MYO18B: variants seen among roughly 807,000 people sequenced by gnomAD.
MYO18B encodes myosin XVIIIB, also known as unconventional myosin-XVIIIb.
Under a neutral mutation model 273.0 loss-of-function variants are expected in MYO18B, and 204 were observed. That is an observed-to-expected ratio of 0.75 (90% CI 0.67 to 0.84). The LOEUF is 0.84. Ranked by LOEUF, MYO18B falls within the 40% of genes least tolerant of loss-of-function variation. The pLI, the probability that MYO18B is intolerant of heterozygous loss-of-function variation, is 0.00. For missense variants in MYO18B, 3,212 were observed against 3,287.6 expected (o/e 0.98, Z 0.56); for synonymous variants, 1,330 against 1,305.7 (o/e 1.02, Z -0.40).
At chr22:25,777,337 C>A (rs910910506) in intron 7 of MYO18B, among the ~76,000 whole-genome samples, 2 of 152,188 alleles carry the variant, frequency 1.3e-5, no homozygotes, top group Non-Finnish European at 2.9e-5. Flanking sequence ...AAGCCTCTAA[C>A]TAAAGAGGAG....
intron 39 of MYO18B, among the ~76,000 whole-genome samples, chr22:25,974,581 C>T (rs2093068966): frequency 6.6e-6 from 1 of 152,210 alleles, no homozygotes; most frequent in Admixed American, 6.5e-5. Context: ...GTCTCAACCT[C>T]CGAAGTCTGT....
chr22:25,958,104 G>A (rs1426472930), intron 39 of MYO18B, among the ~76,000 whole-genome samples: 3 of 151,826 alleles, frequency 2.0e-5, no homozygotes, highest in African/African-American at 7.3e-5. Context: ...TAGTAGAGGC[G>A]GGGTTTCACC....
intron 3 of MYO18B, 27 bp downstream of exon 3, chr22:25,763,416 G>T (rs916317842): frequency 1.3e-6 from 2 of 1,593,862 alleles, no homozygotes; most frequent in Admixed American, 3.8e-5. Flanking sequence ...AAGGAGGACC[G>T]TATGCGTTTC....
the MYO18B span, among the ~76,000 whole-genome samples, chr22:26,055,847 G>A: frequency 6.6e-4 from 100 of 152,302 alleles, no homozygotes; most frequent in African/African-American, 2.3e-3. Context: ...GGCACCTAAT[G>A]AGGCAAGGAC....
intron 23 of MYO18B, 31 bp from the exon 24 acceptor site, chr22:25,876,158 A>T: frequency 6.3e-7 from 1 of 1,596,152 alleles, no homozygotes; most frequent in South Asian, 1.1e-5. Flanking sequence ...GTTGGAAAGG[A>T]CCCTCCAGTC....
At chr22:25,832,709 G>C (rs949952980) in intron 15 of MYO18B, among the ~76,000 whole-genome samples, 6 of 152,166 alleles carry the variant, frequency 3.9e-5, no homozygotes, top group African/African-American at 1.4e-4. Flanking sequence ...ACAACAACAT[G>C]AATGTACCTT....
At chr22:25,755,491 C>A (rs1300332924) in intron 1 of MYO18B, among the ~76,000 whole-genome samples, 1 of 152,174 alleles carries the variant, frequency 6.6e-6, no homozygotes, top group East Asian at 1.9e-4. Flanking sequence ...CAGGCGTGAG[C>A]CACCGCGCCC....
chr22:25,755,765 C>T (rs576561676), intron 1 of MYO18B, among the ~76,000 whole-genome samples: 1 of 152,166 alleles, frequency 6.6e-6, no homozygotes, highest in Non-Finnish European at 1.5e-5. Flanking sequence ...GTCTCTCGCT[C>T]CCTCTCTCAT....
chr22:26,027,689 A>T lies in MYO18B; in HGVS notation c.*11A>T, dbSNP rs367926271. The T allele has an allele frequency of 2.5e-6, 4 of 1,598,262 alleles. No individual in the cohort carries two copies. The highest frequency in any genetic ancestry group is 3.4e-6 in the Non-Finnish European group (4 of 1,171,878). On this transcript the variant is annotated splice_region_variant and 3_prime_UTR_variant, in exon 43 of 44. Coordinates refer to ENST00000335473, the MANE Select transcript of MYO18B (RefSeq NM_032608.7). The surrounding 1 kb of genome is among the most constrained non-coding windows in gnomAD (Gnocchi z 4.1). ...TACCTCCAGAAGTAGGAACCAGTTC[A>T]GGTAAAAGCAACAGGCTGGGGCTAT...
chr22:25,955,631 A>T (rs1032288717), intron 39 of MYO18B, among the ~76,000 whole-genome samples: 4 of 152,168 alleles, frequency 2.6e-5, no homozygotes, highest in African/African-American at 9.7e-5. Context: ...CAGATCCCAG[A>T]CTTTCTTTTC....
chr22:26,048,368 A>G, the MYO18B span, among the ~76,000 whole-genome samples: 1 of 152,202 alleles, frequency 6.6e-6, no homozygotes, highest in Non-Finnish European at 1.5e-5. Context: ...TCCAAGTCCC[A>G]AGATCAAGCT....
intron 1 of MYO18B, among the ~76,000 whole-genome samples, chr22:25,759,517 C>T (rs59102982): frequency 0.21 from 31,496 of 149,972 alleles, 3,356 homozygotes; most frequent in African/African-American, 0.24. Context: ...TGGGGCCTGT[C>T]GAGGGGTGGG....
At chr22:25,951,987 G>A (rs2092797565) in intron 37 of MYO18B, among the ~76,000 whole-genome samples, 1 of 152,202 alleles carries the variant, frequency 6.6e-6, no homozygotes, top group African/African-American at 2.4e-5. Flanking sequence ...GATCAGAGCA[G>A]GGAAGGAGAG....
Position 25,903,748 on chromosome 22 carries a change from A to T in MYO18B, c.5065A>T (p.Arg1689Trp). The part of the protein sequence containing the change: ...GENCVAGLKE[R>W]LWKLESSALE... ...AAATTGCGTTGCTGGCTTGAAGGAG[A>T]GGCTCTGGAAGTTGGAATCCAGCGC... The change falls in exon 31 of 44, where the codon AGG (arginine) becomes TGG (tryptophan). Residue 1689 changes from arginine (R) to tryptophan (W), a missense_variant. By Grantham distance (101) the Arg-to-Trp change is moderately radical. Transcript: ENST00000335473. 1 of 1,604,730 alleles carries T rather than the reference A, an allele frequency of 6.2e-7. No individual in the cohort carries two copies. Among genetic ancestry groups the T allele is most frequent in the Non-Finnish European group, 8.5e-7 (1 of 1,175,658 alleles).
chr22:25,875,512 C>CT (rs566477493), intron 23 of MYO18B, among the ~76,000 whole-genome samples: 4 of 151,746 alleles, frequency 2.6e-5, no homozygotes, highest in South Asian at 2.1e-4. Context: ...TGGTCCCCCC[C>CT]CCAGTGATAA....
At chr22:26,012,883 A>C (rs1935023987) in intron 42 of MYO18B, among the ~76,000 whole-genome samples, 1 of 152,214 alleles carries the variant, frequency 6.6e-6, no homozygotes. Context: ...TTTTCAAAAA[A>C]TTGATCATAC....
In MYO18B at chr22:26,004,754, C is replaced by T; in HGVS notation, c.6369C>T (p.Gly2123=). ...NVSILSSQPE[G]SLQSWLSCTL... is the part of the protein sequence containing the mutation. Reference sequence around the variant, plus strand: ...CCATCCTCAGCTCCCAGCCAGAGGGCAGCCTGCAGTCCTGGTTGAGCTGTA... The same window carrying T: ...CCATCCTCAGCTCCCAGCCAGAGGGTAGCCTGCAGTCCTGGTTGAGCTGTA... The change falls in exon 42 of 44, where the codon GGC becomes GGT. Residue 2123 remains glycine, a synonymous_variant. Transcript: ENST00000335473. The T allele has an allele frequency of 6.2e-7, 1 of 1,613,894 alleles. No homozygotes were observed. The highest frequency in any genetic ancestry group is 8.5e-7 in the Non-Finnish European group (1 of 1,179,820).
chr22:26,019,574 A>T (rs1245085282), intron 42 of MYO18B, among the ~76,000 whole-genome samples: 1 of 152,244 alleles, frequency 6.6e-6, no homozygotes, highest in Non-Finnish European at 1.5e-5. Context: ...CCTGGGTGCC[A>T]TGTCAACTTT....
At chr22:25,895,478 A>G in intron 28 of MYO18B, 198 bp downstream of exon 28, 1 of 585,074 alleles carries the variant, frequency 1.7e-6, no homozygotes, top group Non-Finnish European at 2.9e-6. Context: ...GTACATGTGG[A>G]TCTTCTATCC....
Sources: gnomAD v4.1 joint callset for allele counts (sites outside exome capture counted in the v4.1 genomes callset) on GRCh38, gnomAD v4.1.1 for gene constraint, Gnocchi (gnomAD v3.1) non-coding constraint, MANE v1.5 for transcripts, NCBI Gene and HGNC (gene_info 2026-07-23, HGNC 2026-07-21) for gene names.